Variants in FAT4 observed in about 807,000 individuals in gnomAD.
The protein encoded by FAT4 is protocadherin Fat 4.
Under a neutral mutation model 303.9 loss-of-function variants are expected in FAT4, and 84 were observed. The observed-to-expected ratio is 0.28, with a 90% CI of 0.23 to 0.33. FAT4 has a LOEUF of 0.33. Ranked by LOEUF, FAT4 falls within the 10% of genes least tolerant of loss-of-function variation. The pLI, the probability that FAT4 is intolerant of heterozygous loss-of-function variation, is 1.00. For missense variants in FAT4, 6,005 were observed against 6,146.8 expected, an observed-to-expected ratio of 0.98 and a Z score of 0.77; for synonymous variants, 2,307 against 2,298.8, an observed-to-expected ratio of 1.00 and a Z score of -0.10.
chr4:125,476,933 T>A (rs763439366), intron 13 of FAT4, among the ~76,000 whole-genome samples: 20 of 152,114 alleles, frequency 1.3e-4, no homozygotes, highest in Non-Finnish European at 2.6e-4. Flanking sequence ...CTAACTTGAC[T>A]AATTGAAAAC....
chr4:125,470,704 A>C (rs757801219), intron 12 of FAT4, among the ~76,000 whole-genome samples: 17 of 152,202 alleles, frequency 1.1e-4, no homozygotes, highest in Non-Finnish European at 1.9e-4. Context: ...TTTCTAGATT[A>C]GATGTTGGCT....
rs1397753631 is a variant in FAT4, at chr4:125,315,789, A to C, written c.-201A>C. On this transcript the variant is annotated 5_prime_UTR_variant, in exon 1 of 18. Transcript: ENST00000394329. Reference sequence around the variant, plus strand: ...GCGCAGACGCCGCCGCCTGGGCCTCAGCGGCCACTGCCGGCGCCCTGTTGG... The same window carrying C: ...GCGCAGACGCCGCCGCCTGGGCCTCCGCGGCCACTGCCGGCGCCCTGTTGG... Among the ~76,000 whole-genome samples the C allele has an allele frequency of 6.6e-6, 1 of 152,176 alleles. No homozygotes were observed. Among genetic ancestry groups the C allele is most frequent in the Non-Finnish European group, 1.5e-5 (1 of 68,030 alleles).
Position 125,318,303 on chromosome 4 carries a change from C to T in FAT4, c.1892C>T (p.Ser631Phe), listed in dbSNP as rs1279780354. Residue 631 changes from serine to phenylalanine, a missense_variant, in exon 2 of 18, where the codon TCC (serine) becomes TTC (phenylalanine). Physicochemically the swap from Ser to Phe is radical, Grantham distance 155 (BLOSUM62 -2). Coordinates refer to ENST00000394329, the MANE Select transcript of FAT4 (RefSeq NM_001291303.3). Reference sequence around the variant, plus strand: ...CAAGAGGCAGAGACTGACCGGAGGTCCTTCCGTCTGGATCCTGTGTCTGGG... The same window carrying T: ...CAAGAGGCAGAGACTGACCGGAGGTTCTTCCGTCTGGATCCTGTGTCTGGG... ...SLQEAETDRRSFRLDPVSGRL... is the reference protein window; with the variant it reads ...SLQEAETDRRFFRLDPVSGRL... The T allele has an allele frequency of 6.2e-7, 1 of 1,614,224 alleles. No individual in the cohort carries two copies. Among genetic ancestry groups the T allele is most frequent in the Non-Finnish European group, 8.5e-7 (1 of 1,180,052 alleles).
chr4:125,391,093 A>G (rs1733958344), intron 2 of FAT4, among the ~76,000 whole-genome samples: 1 of 152,200 alleles, frequency 6.6e-6, no homozygotes, highest in Non-Finnish European at 1.5e-5. Flanking sequence ...AAGTTTGACC[A>G]TTGTAGAAGA....
chr4:125,438,929 A>G (rs796142209), intron 8 of FAT4, among the ~76,000 whole-genome samples: 27 of 152,318 alleles, frequency 1.8e-4, no homozygotes, highest in African/African-American at 6.3e-4. Context: ...CTCCAGGAGC[A>G]TAAACTTTTA....
intron 16 of FAT4, among the ~76,000 whole-genome samples, chr4:125,484,922 G>A (rs1236520767): frequency 2.0e-5 from 3 of 151,854 alleles, no homozygotes; most frequent in African/African-American, 4.8e-5. Flanking sequence ...GCATGATCTC[G>A]GCTCACTGCA....
chr4:125,379,153 C>T (rs972655520), intron 2 of FAT4, among the ~76,000 whole-genome samples: 7 of 151,804 alleles, frequency 4.6e-5, no homozygotes, highest in African/African-American at 1.7e-4. Flanking sequence ...ACAAAGAATT[C>T]ACTTAAAAGT....
intron 15 of FAT4, among the ~76,000 whole-genome samples, chr4:125,480,182 C>CT (rs1324440628): frequency 6.6e-6 from 1 of 151,752 alleles, no homozygotes; most frequent in Non-Finnish European, 1.5e-5. Context: ...TATAGTTAGG[C>CT]TTTTTTTCAT....
At chr4:125,453,196 T>C (rs1181021589) in intron 10 of FAT4, among the ~76,000 whole-genome samples, 1 of 152,156 alleles carries the variant, frequency 6.6e-6, no homozygotes, top group Non-Finnish European at 1.5e-5. Flanking sequence ...GAGAATAATA[T>C]CTACTTAAAA....
intron 7 of FAT4, among the ~76,000 whole-genome samples, chr4:125,432,105 T>C (rs1022479550): frequency 1.5e-4 from 23 of 152,146 alleles, no homozygotes; most frequent in African/African-American, 5.1e-4. Context: ...GGTCCCTCCC[T>C]GTTGGGCCTC....
chr4:125,348,868 A>G (rs1271579533), intron 2 of FAT4, among the ~76,000 whole-genome samples: 1 of 151,796 alleles, frequency 6.6e-6, no homozygotes, highest in Non-Finnish European at 1.5e-5. Context: ...GGCATATTTT[A>G]TGATGCTAAG....
Position 125,479,877 on chromosome 4 carries a change from C to A in FAT4, c.12604+12C>A. 1 of 1,532,258 alleles carries A rather than the reference C, an allele frequency of 6.5e-7. No individual in the cohort carries two copies. Among genetic ancestry groups the A allele is most frequent in the South Asian group, 1.3e-5 (1 of 75,540 alleles). The allele number at this position is 1,532,258 out of a possible 1,614,324, so 94.9% of individuals were successfully genotyped here. A position where few individuals can be genotyped will look rare whatever the true frequency, so the allele number is the denominator to read the frequency against. ...ATACTGTGAAAAATGTATGTAAGGT[C>A]TTCCGTCTTCCCCTGGAAATTTTAA... On this transcript the variant is annotated intron_variant, in intron 15 of 17. Coordinates refer to ENST00000394329, the MANE Select transcript of FAT4 (RefSeq NM_001291303.3).
rs559854816 is a variant in FAT4 at position 125,468,675 on chromosome 4, C to T, written c.12069C>T (p.Asp4023=). The T allele has an allele frequency of 6.2e-7, 1 of 1,614,138 alleles. No homozygotes were observed. The highest frequency in any genetic ancestry group is 2.2e-5 in the East Asian group (1 of 44,868). The part of the protein sequence containing the change: ...LLYNYDNQTG[D]RAEFLALEIA... ...ACAACTATGACAACCAGACAGGCGACCGGGCTGAGTTTTTGGCCCTTGAAA... is the reference window on the plus strand; with the variant it reads ...ACAACTATGACAACCAGACAGGCGATCGGGCTGAGTTTTTGGCCCTTGAAA... Residue 4023 remains aspartate (D), a synonymous_variant, in exon 12 of 18, where the codon GAC becomes GAT. Coordinates refer to ENST00000394329, the MANE Select transcript of FAT4 (RefSeq NM_001291303.3).
At chr4:125,357,368 A>G (rs1241531204) in intron 2 of FAT4, among the ~76,000 whole-genome samples, 1 of 152,144 alleles carries the variant, frequency 6.6e-6, no homozygotes, top group Admixed American at 6.6e-5. Context: ...AAATTGATAC[A>G]GATTCTTGTA....
chr4:125,472,528 A>T lies in FAT4; in HGVS notation c.12214-3643A>T, dbSNP rs75611031. On this transcript the variant is annotated intron_variant, in intron 12 of 17. Transcript: ENST00000394329. ...AATTTCATAAGGGCATAAGACAGAA[A>T]CTACCTTATAATATTAATTATTTTT... Among the ~76,000 whole-genome samples the T allele has an allele frequency of 1.1e-4, 17 of 152,306 alleles. No homozygotes were observed. The East Asian group carries it at 3.3e-3, about 29-fold the overall frequency.
intron 2 of FAT4, among the ~76,000 whole-genome samples, chr4:125,388,889 A>G (rs901912613): frequency 2.0e-5 from 3 of 152,154 alleles, no homozygotes; most frequent in Non-Finnish European, 4.4e-5. Flanking sequence ...CTACTCTCCA[A>G]GCCTGCCTGT....
chr4:125,438,545 G>A (rs1223087256), intron 8 of FAT4, among the ~76,000 whole-genome samples: 1 of 152,090 alleles, frequency 6.6e-6, no homozygotes, highest in African/African-American at 2.4e-5. Context: ...CCCCATCAGT[G>A]AAAATCTTAA....
intron 11 of FAT4, among the ~76,000 whole-genome samples, chr4:125,466,135 T>A (rs2126073832): frequency 6.6e-6 from 1 of 152,316 alleles, no homozygotes; most frequent in East Asian, 1.9e-4. Context: ...ATTTTTTAAT[T>A]TAAATTACAT....
chr4:125,416,358 G>A, intron 6 of FAT4, 90 bp from the exon 7 acceptor site: 1 of 1,184,918 alleles, frequency 8.4e-7, no homozygotes, highest in Non-Finnish European at 1.2e-6. Flanking sequence ...TCTTAACATA[G>A]TTTTACCTCA....
Sources: gnomAD v4.1 joint callset for allele counts (sites outside exome capture counted in the v4.1 genomes callset) on GRCh38, gnomAD v4.1.1 for gene constraint, MANE v1.5 for transcripts, NCBI Gene and HGNC (gene_info 2026-07-23, HGNC 2026-07-21) for gene names.